CSMD1: variants seen among roughly 807,000 people sequenced by gnomAD.
CSMD1 encodes CUB and sushi domain-containing protein 1.
A neutral mutation model predicts 417.5 loss-of-function variants in CSMD1; 213 were observed. That is an observed-to-expected ratio of 0.51 (90% confidence interval 0.46 to 0.57). The LOEUF is 0.57. Among genes scored for constraint, CSMD1 ranks in the 20% least tolerant of loss-of-function variants. The pLI is 0.00. For missense variants in CSMD1, 6,923 were observed against 4,529.7 expected, an observed-to-expected ratio of 1.53 and a Z score of -15.17; for synonymous variants, 2,862 against 1,736.8, an observed-to-expected ratio of 1.65 and a Z score of -16.11.
intron 37 of CSMD1, among the ~76,000 whole-genome samples, chr8:3,174,220 A>G (rs1391837423): frequency 6.6e-6 from 1 of 152,214 alleles, no homozygotes; most frequent in East Asian, 1.9e-4. Flanking sequence ...GAGTCCAGGC[A>G]CAGTGGCTCA....
chr8:4,940,551 A>C (rs564793895), intron 1 of CSMD1, among the ~76,000 whole-genome samples: 1 of 152,204 alleles, frequency 6.6e-6, no homozygotes, highest in Non-Finnish European at 1.5e-5. Context: ...ATTCATCCAC[A>C]CAGTATCAAC....
At chr8:4,006,697 G>T (rs1487323655) in intron 4 of CSMD1, among the ~76,000 whole-genome samples, 1 of 152,100 alleles carries the variant, frequency 6.6e-6, no homozygotes, top group African/African-American at 2.4e-5. Flanking sequence ...AGATGGCAAT[G>T]TCAGAATATC....
At chr8:3,903,031 A>G (rs1206488388) in intron 5 of CSMD1, among the ~76,000 whole-genome samples, 4 of 152,082 alleles carry the variant, frequency 2.6e-5, no homozygotes, top group African/African-American at 4.8e-5. Flanking sequence ...CTGTGTTATT[A>G]AAGTAGCGTG....
chr8:3,646,106 G>C (rs942266812), intron 7 of CSMD1, among the ~76,000 whole-genome samples: 1 of 150,294 alleles, frequency 6.7e-6, no homozygotes, highest in Non-Finnish European at 1.5e-5. Flanking sequence ...AAACTCTTCA[G>C]CCGAGAAAAC....
At chr8:4,274,671 A>C (rs1438275179) in intron 3 of CSMD1, among the ~76,000 whole-genome samples, 1 of 152,164 alleles carries the variant, frequency 6.6e-6, no homozygotes, top group Non-Finnish European at 1.5e-5. Flanking sequence ...TTAAAATAAA[A>C]TTAAATGTTT....
chr8:4,119,964 T>G (rs1479320681), intron 3 of CSMD1, among the ~76,000 whole-genome samples: 1 of 152,048 alleles, frequency 6.6e-6, no homozygotes, highest in Non-Finnish European at 1.5e-5. Flanking sequence ...AAAAATTAGT[T>G]TAAAAGAATG....
intron 3 of CSMD1, among the ~76,000 whole-genome samples, chr8:4,233,340 T>C (rs549875738): frequency 6.6e-6 from 1 of 152,346 alleles, no homozygotes; most frequent in East Asian, 1.9e-4. Context: ...ATTGACATAT[T>C]AAAAGTACCT....
At chr8:3,788,944 T>C (rs931250296) in intron 5 of CSMD1, among the ~76,000 whole-genome samples, 1 of 152,152 alleles carries the variant, frequency 6.6e-6, no homozygotes, top group Non-Finnish European at 1.5e-5. Flanking sequence ...TCCTAGACAG[T>C]ATTGTAGAAT....
At chr8:4,878,009 C>T (rs1436431128) in intron 1 of CSMD1, among the ~76,000 whole-genome samples, 4 of 152,000 alleles carry the variant, frequency 2.6e-5, no homozygotes, top group African/African-American at 9.7e-5. Context: ...AGAAATAGGA[C>T]CTGTCAGCAT....
intron 7 of CSMD1, among the ~76,000 whole-genome samples, chr8:3,628,370 T>G (rs1796597552): frequency 6.6e-6 from 1 of 152,186 alleles, no homozygotes. Context: ...GCCCCTTCCT[T>G]GTTTACCAGA....
chr8:3,750,929 T>C (rs558832972), intron 6 of CSMD1, among the ~76,000 whole-genome samples: 2 of 152,300 alleles, frequency 1.3e-5, no homozygotes, highest in South Asian at 2.1e-4. Context: ...TTCTGCGTAC[T>C]GTGCACCATG....
intron 6 of CSMD1, among the ~76,000 whole-genome samples, chr8:3,713,957 T>C (rs1801672079): frequency 6.6e-6 from 1 of 152,064 alleles, no homozygotes; most frequent in Non-Finnish European, 1.5e-5. Flanking sequence ...CAAAAGAATA[T>C]TTACTACTAT....
chr8:3,987,077 C>G (rs1196199410), intron 5 of CSMD1, among the ~76,000 whole-genome samples: 3 of 152,196 alleles, frequency 2.0e-5, no homozygotes, highest in South Asian at 2.1e-4. Context: ...TGATTTCTAT[C>G]ATTTTGTGAA....
chr8:4,409,646 T>C (rs1468868483), intron 3 of CSMD1, among the ~76,000 whole-genome samples: 1 of 14,492 alleles, frequency 6.9e-5, no homozygotes, highest in Middle Eastern at 0.022. Context: ...TTTTTTCTTT[T>C]TTTTTTTTTT....
At chr8:3,820,575 G>A (rs1050674606) in intron 5 of CSMD1, among the ~76,000 whole-genome samples, 30 of 152,120 alleles carry the variant, frequency 2.0e-4, no homozygotes, top group African/African-American at 7.2e-4. Flanking sequence ...TTTTGTTTTT[G>A]TTGTTGTTTG....
intron 26 of CSMD1, among the ~76,000 whole-genome samples, chr8:3,247,012 A>C (rs921014184): frequency 2.6e-5 from 4 of 152,226 alleles, no homozygotes; most frequent in African/African-American, 9.6e-5. Flanking sequence ...TTGTGGATGC[A>C]AGTGAACCAT....
At chr8:4,025,659 C>G (rs570065061) in intron 4 of CSMD1, among the ~76,000 whole-genome samples, 2 of 152,062 alleles carry the variant, frequency 1.3e-5, no homozygotes, top group African/African-American at 4.8e-5. Context: ...AAGAAAGACA[C>G]AGATCTTAAG....
intron 54 of CSMD1, among the ~76,000 whole-genome samples, chr8:2,986,612 C>T (rs186428560): frequency 6.6e-6 from 1 of 152,138 alleles, no homozygotes; most frequent in Non-Finnish European, 1.5e-5. Flanking sequence ...TCACACCATT[C>T]TCCTGCCTCA....
At chr8:3,142,843 C>A (rs1818588667) in intron 40 of CSMD1, among the ~76,000 whole-genome samples, 169 bp from the exon 41 acceptor site, 1 of 152,216 alleles carries the variant, frequency 6.6e-6, no homozygotes, top group Non-Finnish European at 1.5e-5. Context: ...AACCCTGGCT[C>A]CATCTTACCT....
Sources: allele counts gnomAD v4.1 joint callset (sites outside exome capture counted in the v4.1 genomes callset), GRCh38; gene constraint gnomAD v4.1.1; transcripts MANE v1.5; gene names NCBI Gene and HGNC (gene_info 2026-07-23, HGNC 2026-07-21).